Variants in SPOCK3 observed in about 807,000 individuals in gnomAD.
SPOCK3 encodes testican-3.
A neutral mutation model predicts 56.6 loss-of-function variants in SPOCK3; 30 were observed. The observed-to-expected ratio is 0.53, with a 90% confidence interval of 0.40 to 0.72. SPOCK3 has a LOEUF of 0.72. Ranked by LOEUF, SPOCK3 falls within the 30% of genes least tolerant of loss-of-function variation. The probability of loss-of-function intolerance (pLI) is 0.00; values close to 1 mark genes in which losing one functional copy is unlikely to be tolerated. For missense variants in SPOCK3, 527 were observed against 530.0 expected, an observed-to-expected ratio of 0.99 and a Z score of 0.06; for synonymous variants, 196 against 183.3, an observed-to-expected ratio of 1.07 and a Z score of -0.56.
intron 7 of SPOCK3, among the ~76,000 whole-genome samples, chr4:166,783,925 T>C (rs1740451052): frequency 6.6e-6 from 1 of 152,166 alleles, no homozygotes; most frequent in African/African-American, 2.4e-5. Flanking sequence ...ATTTTCTGTT[T>C]TGTTTTATTT....
rs368294527 is a variant in SPOCK3 at position 167,003,305 on chromosome 4, G to A, written c.236-2842C>T. Among the ~76,000 whole-genome samples, 54 of 152,174 alleles carry A rather than the reference G, an allele frequency of 3.5e-4. No homozygotes were observed. The East Asian group carries it at 3.9e-3, about 11-fold the overall frequency. Reference sequence around the variant, plus strand: ...TTGTCAGGAGATGGAAAATATAGGAGAAAATAAATATAAAGAATCAGATAC... The same window carrying A: ...TTGTCAGGAGATGGAAAATATAGGAAAAAATAAATATAAAGAATCAGATAC... On this transcript the variant is annotated intron_variant, in intron 3 of 10. Coordinates refer to ENST00000357545, the MANE Select transcript of SPOCK3 (RefSeq NM_001040159.2).
At chr4:166,801,549 T>G (rs1742596452) in intron 6 of SPOCK3, among the ~76,000 whole-genome samples, 1 of 152,086 alleles carries the variant, frequency 6.6e-6, no homozygotes, top group Non-Finnish European at 1.5e-5. Context: ...TTACTGTATC[T>G]TATTACTGTG....
At chr4:166,866,769 T>A (rs1174835892) in intron 6 of SPOCK3, among the ~76,000 whole-genome samples, 2 of 152,040 alleles carry the variant, frequency 1.3e-5, no homozygotes, top group Non-Finnish European at 2.9e-5. Context: ...CAATCAGAAA[T>A]GAGCTAATGA....
rs181843247 is a variant in SPOCK3 at position 167,147,983 on chromosome 4, C to A, written c.190-85446G>T. On this transcript the variant is annotated intron_variant, in intron 2 of 10. Transcript: ENST00000357545. ...TAAAAAGAAAGAAAGAAAGAAAGAT[C>A]AACTGAAAAATACTGCCGATAAAAC... Among the ~76,000 whole-genome samples the A allele has an allele frequency of 9.2e-5, 14 of 151,904 alleles. No individual in the cohort carries two copies. In the East Asian group the frequency reaches 2.7e-3, roughly 30 times the overall value.
intron 2 of SPOCK3, among the ~76,000 whole-genome samples, chr4:167,178,860 A>T (rs1189184205): frequency 6.6e-6 from 1 of 152,120 alleles, no homozygotes; most frequent in Non-Finnish European, 1.5e-5. Flanking sequence ...AAAATGGTAT[A>T]TTTTTATATC....
chr4:166,828,462 T>C (rs1237912074), intron 6 of SPOCK3, among the ~76,000 whole-genome samples: 1 of 152,032 alleles, frequency 6.6e-6, no homozygotes, highest in Non-Finnish European at 1.5e-5. Flanking sequence ...ACATAGGAAT[T>C]AGATAATATT....
At chr4:166,834,716 G>A (rs545576883) in intron 6 of SPOCK3, among the ~76,000 whole-genome samples, 7 of 152,080 alleles carry the variant, frequency 4.6e-5, no homozygotes, top group Non-Finnish European at 7.4e-5. Flanking sequence ...AATGAATCCC[G>A]TTTCCCAAAA....
intron 4 of SPOCK3, among the ~76,000 whole-genome samples, chr4:166,988,416 A>T (rs1747400244): frequency 6.6e-6 from 1 of 152,102 alleles, no homozygotes; most frequent in Admixed American, 6.6e-5. Context: ...CTTAATGCAA[A>T]TAGAGTTTTA....
chr4:167,024,166 C>T (rs917950669), intron 3 of SPOCK3, among the ~76,000 whole-genome samples: 4 of 151,986 alleles, frequency 2.6e-5, no homozygotes, highest in African/African-American at 9.7e-5. Flanking sequence ...ACCATCCTTT[C>T]TTGGATCCCT....
At chr4:166,903,029 A>G (rs1274508745) in intron 5 of SPOCK3, among the ~76,000 whole-genome samples, 1 of 149,446 alleles carries the variant, frequency 6.7e-6, no homozygotes, top group Non-Finnish European at 1.5e-5. Context: ...TGCTCCTGTT[A>G]GCTTGCTTCA....
At chr4:167,223,665 A>T (rs1368655637) in intron 2 of SPOCK3, among the ~76,000 whole-genome samples, 2 of 152,014 alleles carry the variant, frequency 1.3e-5, no homozygotes, top group African/African-American at 2.4e-5. Flanking sequence ...ATTTTTAAAA[A>T]CTAGTCAGGC....
chr4:166,787,560 A>G (rs994521710), intron 7 of SPOCK3, among the ~76,000 whole-genome samples: 3 of 152,204 alleles, frequency 2.0e-5, no homozygotes, highest in Admixed American at 2.0e-4. Context: ...AAAATAAACA[A>G]CATTTAATAA....
At chr4:166,769,101 A>T (rs1313945167) in intron 7 of SPOCK3, among the ~76,000 whole-genome samples, 1 of 149,360 alleles carries the variant, frequency 6.7e-6, no homozygotes, top group Non-Finnish European at 1.5e-5. Context: ...ATGTTTTTTC[A>T]AGGTTTTTAG....
At chr4:166,848,143 A>G (rs1748295208) in intron 6 of SPOCK3, among the ~76,000 whole-genome samples, 2 of 152,196 alleles carry the variant, frequency 1.3e-5, no homozygotes. Context: ...TATAGCTACC[A>G]TAATAATTTC....
In SPOCK3 at chr4:166,920,181, C is replaced by A. The variant is rs767282143; in HGVS notation, c.351-7438G>T. ...ATAAGCATACATATAAAATTTTAAACGTAATGGAAAACCACATTCCAATAT... is the reference window on the plus strand; with the variant it reads ...ATAAGCATACATATAAAATTTTAAAAGTAATGGAAAACCACATTCCAATAT... On this transcript the variant is annotated intron_variant, in intron 4 of 10. Coordinates refer to ENST00000357545, the MANE Select transcript of SPOCK3 (RefSeq NM_001040159.2). 7.2e-5 allele frequency among the ~76,000 whole-genome samples: 11 copies of A among 152,170 alleles called. No individual in the cohort carries two copies. The East Asian group carries it at 2.1e-3, about 29-fold the overall frequency.
chr4:167,228,389 G>A (rs1736809825), intron 2 of SPOCK3, among the ~76,000 whole-genome samples: 1 of 152,090 alleles, frequency 6.6e-6, no homozygotes, highest in African/African-American at 2.4e-5. Context: ...AAGCTAGAGG[G>A]TTAAAAGTAT....
At position 167,234,193 on chromosome 4, in the gene SPOCK3, G is replaced by A; in HGVS notation, c.1-20C>T. ...GAGCATCTGGGAGAGGAGACACAACGGGGGGTGGGGGGGCATGTCAGTGTC... is the reference window on the plus strand; with the variant it reads ...GAGCATCTGGGAGAGGAGACACAACAGGGGGTGGGGGGGCATGTCAGTGTC... On this transcript the variant is annotated intron_variant, in intron 1 of 10. Coordinates refer to ENST00000357545, the MANE Select transcript of SPOCK3 (RefSeq NM_001040159.2). The A allele has an allele frequency of 6.2e-7, 1 of 1,609,494 alleles. No homozygotes were observed. Among genetic ancestry groups the A allele is most frequent in the Non-Finnish European group, 8.5e-7 (1 of 1,177,028 alleles).
At chr4:166,825,673 A>G (rs955312927) in intron 6 of SPOCK3, among the ~76,000 whole-genome samples, 1 of 152,102 alleles carries the variant, frequency 6.6e-6, no homozygotes, top group Non-Finnish European at 1.5e-5. Context: ...TTCAGGATGG[A>G]ATATACCATA....
In SPOCK3 at chr4:167,006,961, T is replaced by C. The variant is rs551188945; in HGVS notation, c.236-6498A>G. 2.6e-5 allele frequency among the ~76,000 whole-genome samples: 4 copies of C among 152,306 alleles called. No homozygotes were observed. In the East Asian group the frequency reaches 5.8e-4, roughly 22 times the overall value. ...TCTTTGGGTAAATATGCTGTCATTC[T>C]TTTCTATAGAGATTCCTTTCCATGG... On this transcript the variant is annotated intron_variant, in intron 3 of 10. Transcript: ENST00000357545.
Sources: allele counts gnomAD v4.1 joint callset (sites outside exome capture counted in the v4.1 genomes callset), GRCh38; gene constraint gnomAD v4.1.1; transcripts MANE v1.5; gene names NCBI Gene and HGNC (gene_info 2026-07-23, HGNC 2026-07-21).